ATG7: variants seen among roughly 807,000 people sequenced by gnomAD.
ATG7 encodes ubiquitin-like modifier-activating enzyme ATG7.
ATG7 carries 70 observed loss-of-function variants against 82.4 expected under a neutral mutation model. The observed-to-expected ratio is 0.85, with a 90% CI of 0.70 to 1.04. The LOEUF is 1.04. ATG7 is among the 50% of genes least tolerant of loss of function. The pLI, the probability that ATG7 is intolerant of heterozygous loss-of-function variation, is 0.00. For synonymous variants in ATG7, 287 were observed against 313.0 expected (o/e 0.92, Z 0.88); for missense variants, 792 against 864.3 (o/e 0.92, Z 1.05).
intron 20 of ATG7, among the ~76,000 whole-genome samples, chr3:11,538,393 T>C (rs2070507120): frequency 6.6e-6 from 1 of 151,976 alleles, no homozygotes; most frequent in Non-Finnish European, 1.5e-5. Context: ...ACCCAGGACA[T>C]GGGACGAGAC....
Position 11,443,179 on chromosome 3 carries a change from C to T in ATG7, c.2079+16253C>T, listed in dbSNP as rs368496576. Among the ~76,000 whole-genome samples the T allele has an allele frequency of 6.6e-5, 10 of 152,268 alleles. No individual in the cohort carries two copies. The East Asian group carries it at 9.7e-4, about 15-fold the overall frequency. On this transcript the variant is annotated intron_variant, in intron 20 of 20. Coordinates refer to ENST00000693202, the MANE Select transcript of ATG7 (RefSeq NM_001349232.2). ...CCACCATACACACTTCTGTGTGGGG[C>T]GTGCTCCCACCTCCAGCCTGCTCAG...
At chr3:11,280,353 A>G (rs1223962918) in intron 1 of ATG7, among the ~76,000 whole-genome samples, 1 of 152,342 alleles carries the variant, frequency 6.6e-6, no homozygotes, top group East Asian at 1.9e-4. Flanking sequence ...CTTCACACTA[A>G]TTCTGCACAG....
At chr3:11,323,579 A>G (rs76581138) in intron 9 of ATG7, among the ~76,000 whole-genome samples, 7,336 of 152,248 alleles carry the variant, frequency 0.048, 238 homozygotes, top group African/African-American at 0.086. Context: ...CCCATTACCA[A>G]TCTTTTGGGG....
intron 20 of ATG7, among the ~76,000 whole-genome samples, chr3:11,471,708 C>T (rs1381977154): frequency 7.3e-6 from 1 of 137,516 alleles, no homozygotes; most frequent in Non-Finnish European, 1.6e-5. Context: ...TTTTTTAGAA[C>T]TCAGAAAAGT....
At chr3:11,485,583 T>C (rs560786392) in intron 20 of ATG7, among the ~76,000 whole-genome samples, 1 of 152,352 alleles carries the variant, frequency 6.6e-6, no homozygotes, top group South Asian at 2.1e-4. Context: ...TTGTTGACAT[T>C]GCTTTTGGTG....
At chr3:11,501,789 AAGTG>A (rs1233906549) in intron 20 of ATG7, among the ~76,000 whole-genome samples, 1 of 152,116 alleles carries the variant, frequency 6.6e-6, no homozygotes, top group Non-Finnish European at 1.5e-5. Context: ...TCCCGGGTTC[AAGTG>A]ATTCTCCTGC....
At chr3:11,529,262 A>T (rs1260867395) in intron 20 of ATG7, among the ~76,000 whole-genome samples, 2 of 152,168 alleles carry the variant, frequency 1.3e-5, no homozygotes, top group African/African-American at 4.8e-5. Flanking sequence ...ATATTTAAAG[A>T]TAATATATAG....
intron 10 of ATG7, among the ~76,000 whole-genome samples, chr3:11,332,234 TG>T (rs1170767409): frequency 6.6e-6 from 1 of 152,196 alleles, no homozygotes; most frequent in Non-Finnish European, 1.5e-5. Context: ...GAGATCAGCA[TG>T]GCTGAATTTT....
At chr3:11,457,797 C>T (rs1414459124) in intron 20 of ATG7, among the ~76,000 whole-genome samples, 1 of 152,082 alleles carries the variant, frequency 6.6e-6, no homozygotes, top group African/African-American at 2.4e-5. Flanking sequence ...GTCATGAACA[C>T]CTAAGAGACT....
chr3:11,433,279 G>T (rs1378096233), intron 20 of ATG7, among the ~76,000 whole-genome samples: 3 of 111,434 alleles, frequency 2.7e-5, no homozygotes, highest in East Asian at 2.8e-4. Context: ...GCAAGACCCT[G>T]TCTCTTATTT....
At chr3:11,349,044 T>C (rs866090528) in intron 14 of ATG7, among the ~76,000 whole-genome samples, 2 of 152,110 alleles carry the variant, frequency 1.3e-5, no homozygotes, top group African/African-American at 2.4e-5. Flanking sequence ...GAGCGCTGAT[T>C]GGTGTGTTTT....
At chr3:11,495,755 G>A (rs573323648) in intron 20 of ATG7, among the ~76,000 whole-genome samples, 5 of 152,256 alleles carry the variant, frequency 3.3e-5, no homozygotes, top group African/African-American at 4.8e-5. Context: ...CTATTTTGCC[G>A]TGTTTCATAA....
the ATG7 span, among the ~76,000 whole-genome samples, chr3:11,565,221 A>T: frequency 3.3e-5 from 5 of 152,128 alleles, no homozygotes; most frequent in African/African-American, 1.2e-4. The surrounding 1 kb of genome is among the most constrained non-coding windows in gnomAD (Gnocchi z 4.1). Context: ...AGCTGCTGCC[A>T]GCGGAGTCCA....
chr3:11,552,132 C>T (rs2071861895), intron 20 of ATG7, among the ~76,000 whole-genome samples: 1 of 152,212 alleles, frequency 6.6e-6, no homozygotes, highest in Non-Finnish European at 1.5e-5. Flanking sequence ...ATATCTTGCT[C>T]TTACTAAATA....
At chr3:11,493,797 A>G (rs1452151928) in intron 20 of ATG7, among the ~76,000 whole-genome samples, 2 of 152,238 alleles carry the variant, frequency 1.3e-5, no homozygotes, top group African/African-American at 4.8e-5. Context: ...GCTTGCAAGC[A>G]CAATCTGGGG....
rs899910927 is a variant in ATG7 at position 11,529,220 on chromosome 3, GTTTGC to G, written c.2080-25586_2080-25582del. Among the ~76,000 whole-genome samples the G allele has an allele frequency of 3.3e-4, 51 of 152,258 alleles. 1 individual carries two copies. The highest frequency in any genetic ancestry group is 9.6e-4 in the African/African-American group (40 of 41,544). On this transcript the variant is annotated intron_variant, in intron 20 of 20. Coordinates refer to ENST00000693202, the MANE Select transcript of ATG7 (RefSeq NM_001349232.2). ...AGCCAGCCAGGTTGAAGAGTTGGGA[GTTTGC>G]TTTGTTTTTTAAGACTTAACAAATA...
At chr3:11,492,244 C>T (rs887141266) in intron 20 of ATG7, among the ~76,000 whole-genome samples, 2 of 152,190 alleles carry the variant, frequency 1.3e-5, no homozygotes, top group African/African-American at 2.4e-5. Context: ...GTCTGTCACC[C>T]CTTTCTTTGA....
chr3:11,359,864 T>G (rs944002752), intron 15 of ATG7, among the ~76,000 whole-genome samples: 1 of 152,146 alleles, frequency 6.6e-6, no homozygotes, highest in African/African-American at 2.4e-5. Flanking sequence ...TAAAAACAAA[T>G]CTATGTGAAC....
intron 20 of ATG7, chr3:11,488,553 CA>C (rs2090005247): frequency 1.0e-6 from 1 of 955,216 alleles, no homozygotes; most frequent in Non-Finnish European, 1.3e-6. Context: ...GCAGCGGCGC[CA>C]ACCACCACCC....
Sources: allele counts gnomAD v4.1 joint callset (sites outside exome capture counted in the v4.1 genomes callset), GRCh38; gene constraint gnomAD v4.1.1; non-coding constraint Gnocchi (gnomAD v3.1); transcripts MANE v1.5; gene names NCBI Gene and HGNC (gene_info 2026-07-23, HGNC 2026-07-21).